The following IQSEC1 variants were observed in gnomAD, a reference collection of about 807,000 sequenced individuals.
The protein encoded by IQSEC1 is IQ motif and SEC7 domain-containing protein 1.
A neutral mutation model predicts 91.0 loss-of-function variants in IQSEC1; 31 were observed. The observed-to-expected ratio is 0.34, with a 90% CI of 0.26 to 0.46. The LOEUF is 0.46. Ranked by LOEUF, IQSEC1 falls within the 20% of genes least tolerant of loss-of-function variation. IQSEC1 has a pLI of 1.00. For missense variants in IQSEC1, 1,388 were observed against 1,575.6 expected, an observed-to-expected ratio of 0.88 and a Z score of 2.02; for synonymous variants, 699 against 662.6, an observed-to-expected ratio of 1.05 and a Z score of -0.84.
At chr3:13,229,205 C>T (rs557816879) in intron 1 of IQSEC1, among the ~76,000 whole-genome samples, 1 of 152,306 alleles carries the variant, frequency 6.6e-6, no homozygotes, top group African/African-American at 2.4e-5. Flanking sequence ...TGGTAAGTTA[C>T]CTGCAAATTT....
Position 13,253,004 on chromosome 3 carries a change from C to T in IQSEC1, c.272+29707G>A, listed in dbSNP as rs373952971. Among the ~76,000 whole-genome samples the T allele has an allele frequency of 3.3e-5, 5 of 152,250 alleles. No individual in the cohort carries two copies. The East Asian group carries it at 9.7e-4, about 29-fold the overall frequency. Reference sequence around the variant, plus strand: ...GCCTCGGCCTCCCAAAGTGCTGGGACTACAGGCGTAAGCCACCGCACCCGG... The same window carrying T: ...GCCTCGGCCTCCCAAAGTGCTGGGATTACAGGCGTAAGCCACCGCACCCGG... On this transcript the variant is annotated intron_variant, in intron 1 of 15. Coordinates refer to the IQSEC1 transcript ENST00000648114.
At chr3:13,076,285 C>T (rs538564350), upstream of IQSEC1, among the ~76,000 whole-genome samples, 3 of 152,254 alleles carry the variant, frequency 2.0e-5, no homozygotes, top group African/African-American at 7.2e-5. Context: ...CTGTAAGTGC[C>T]CAAGTTCACC....
intron 1 of IQSEC1, among the ~76,000 whole-genome samples, chr3:12,972,749 C>A (rs1700967696): frequency 6.6e-6 from 1 of 152,164 alleles, no homozygotes; most frequent in African/African-American, 2.4e-5. Context: ...AGGCTTCATG[C>A]CACACTGGCC....
At chr3:13,027,203 G>A (rs78009654) in intron 1 of IQSEC1, among the ~76,000 whole-genome samples, 3,136 of 152,306 alleles carry the variant, frequency 0.021, 37 homozygotes, top group Non-Finnish European at 0.027. Flanking sequence ...TGCTGAGAGC[G>A]TTGGGTCTTG....
At position 13,146,057 on chromosome 3, in the gene IQSEC1, C is replaced by T. The variant is rs1010641515; in HGVS notation, c.302+18047G>A. Among the ~76,000 whole-genome samples the T allele has an allele frequency of 8.6e-5, 13 of 152,042 alleles. 1 individual carries two copies. The highest frequency in any genetic ancestry group is 4.6e-4 in the Admixed American group (7 of 15,266). ...GGCTGGAGTGCAGTGGTGCAATCAT[C>T]GCTCACTGCAGCCTTGAACTCCTGG... On this transcript the variant is annotated intron_variant, in intron 2 of 15. Transcript: ENST00000648114.
intron 1 of IQSEC1, chr3:13,022,120 C>T (rs1703429439): frequency 3.2e-6 from 4 of 1,231,854 alleles, no homozygotes; most frequent in East Asian, 6.3e-5. Context: ...GGTGGAGGAG[C>T]GAGTGGCCAA....
intron 1 of IQSEC1, among the ~76,000 whole-genome samples, chr3:13,173,471 G>C (rs1450163092): frequency 6.6e-6 from 1 of 152,222 alleles, no homozygotes; most frequent in Non-Finnish European, 1.5e-5. Context: ...AGCAGACTTG[G>C]CTGGCCTCCC....
chr3:13,118,219 G>C lies in IQSEC1; in HGVS notation c.302+45885C>G, dbSNP rs561151211. Among the ~76,000 whole-genome samples, 14 of 152,250 alleles carry C rather than the reference G, an allele frequency of 9.2e-5. No homozygotes were observed. The South Asian group carries it at 2.9e-3, about 32-fold the overall frequency. Reference sequence around the variant, plus strand: ...ACATCATGATGTAATCCATGAATATGTACAGTTATTATGTGTCCATTTAAA... The same window carrying C: ...ACATCATGATGTAATCCATGAATATCTACAGTTATTATGTGTCCATTTAAA... On this transcript the variant is annotated intron_variant, in intron 2 of 15. Transcript: ENST00000648114.
chr3:13,228,013 T>C (rs1371004273), intron 1 of IQSEC1, among the ~76,000 whole-genome samples: 1 of 152,184 alleles, frequency 6.6e-6, no homozygotes, highest in Non-Finnish European at 1.5e-5. Flanking sequence ...CGATGGTTCC[T>C]CTGAGGCCCT....
rs1695343776 is a variant in IQSEC1, at chr3:13,259,388, C to A, written c.272+23323G>T. ...AAGCCTGTGAGCAGCGTCAGGGGAA[C>A]TGACTGCTGGCCTGCACTAAGCCCA... On this transcript the variant is annotated intron_variant, in intron 1 of 15. Transcript: ENST00000648114. This position sits in a 1 kb window ranked among gnomAD's most constrained non-coding sequence, Gnocchi z 4.6. 6.6e-6 allele frequency among the ~76,000 whole-genome samples: 1 copy of A among 152,242 alleles called. No homozygotes were observed. The highest frequency in any genetic ancestry group is 2.1e-4 in the South Asian group (1 of 4,834).
rs1694481032 is a variant in IQSEC1 at position 12,902,670 on chromosome 3, C to CAAAAAAAAAAAAAAAAAAAAAAAACA, written c.2805+102_2805+103insTGTTTTTTTTTTTTTTTTTTTTTTTT. ...AAAAAAAAAACAACAAAAAAAAAACCAAAAAAAAAAAAAAAAAAAAAAAAC... is the reference window on the plus strand; with the variant it reads ...AAAAAAAAAACAACAAAAAAAAAACCAAAAAAAAAAAAAAAAAAAAAAAACAAAAAAAAAAAAAAAAAAAAAAAAAC... On this transcript the variant is annotated intron_variant, in intron 13 of 13. Coordinates refer to ENST00000613206, the MANE Select transcript of IQSEC1 (RefSeq NM_001134382.3). The CAAAAAAAAAAAAAAAAAAAAAAAACA allele has an allele frequency of 6.7e-5, 13 of 192,634 alleles. No homozygotes were observed. In the East Asian group the frequency reaches 7.5e-4, roughly 11 times the overall value. 11.9% of individuals were successfully genotyped at this position (192,634 alleles called of 1,614,324 possible). A position where few individuals can be genotyped will look rare whatever the true frequency, so the allele number is the denominator to read the frequency against.
intron 8 of IQSEC1, 138 bp downstream of exon 8, chr3:12,914,966 G>T: frequency 1.2e-6 from 1 of 823,412 alleles, no homozygotes; most frequent in Non-Finnish European, 2.0e-6. Flanking sequence ...ACGAACATCT[G>T]ATTCTCAGCA....
chr3:13,013,994 C>T (rs774326493), intron 1 of IQSEC1, among the ~76,000 whole-genome samples: 10 of 152,270 alleles, frequency 6.6e-5, no homozygotes, highest in Middle Eastern at 6.8e-3. Context: ...TGGGCTGGAC[C>T]GAAATGGGCC....
At chr3:13,116,576 A>G (rs1000413785) in intron 2 of IQSEC1, among the ~76,000 whole-genome samples, 1 of 152,132 alleles carries the variant, frequency 6.6e-6, no homozygotes, top group African/African-American at 2.4e-5. Context: ...CAAAAGAATG[A>G]AGCTGGACCC....
rs547317163 is a variant in IQSEC1, at chr3:13,242,248, C to T, written c.272+40463G>A. 2.0e-5 allele frequency among the ~76,000 whole-genome samples: 3 copies of T among 152,256 alleles called. No individual in the cohort carries two copies. In the South Asian group the frequency reaches 6.2e-4, roughly 32 times the overall value. On this transcript the variant is annotated intron_variant, in intron 1 of 15. Transcript: ENST00000648114. The stretch of plus-strand genomic sequence containing the variant: ...TCTCCAGGTCTCCGCGGCTGTGATG[C>T]GGGTGAGCTGCTCAGACTTTCTGAA...
At chr3:13,276,080 CTTTTT>C (rs796663192) in intron 1 of IQSEC1, among the ~76,000 whole-genome samples, 302 of 79,502 alleles carry the variant, frequency 3.8e-3, no homozygotes, top group Non-Finnish European at 6.4e-3. Context: ...CAAAAGCATT[CTTTTT>C]TTTTTTTTTT....
chr3:13,023,128 C>T (rs908528033), intron 1 of IQSEC1, among the ~76,000 whole-genome samples: 4 of 152,224 alleles, frequency 2.6e-5, no homozygotes, highest in African/African-American at 7.2e-5. Context: ...GGATTTGAAC[C>T]TTGGCAGTCT....
intron 8 of IQSEC1, among the ~76,000 whole-genome samples, chr3:12,914,719 G>T (rs1575884550): frequency 6.6e-6 from 1 of 152,152 alleles, no homozygotes; most frequent in Admixed American, 6.5e-5. Context: ...TATGGCAGAG[G>T]ACGGGTCCTG....
intron 2 of IQSEC1, among the ~76,000 whole-genome samples, chr3:13,152,681 G>A (rs1468868698): frequency 6.6e-6 from 1 of 152,168 alleles, no homozygotes; most frequent in Non-Finnish European, 1.5e-5. Flanking sequence ...GACCAGCCTG[G>A]CCAACATCGT....
Sources: gnomAD v4.1 joint callset for allele counts (sites outside exome capture counted in the v4.1 genomes callset) on GRCh38, gnomAD v4.1.1 for gene constraint, Gnocchi (gnomAD v3.1) non-coding constraint, MANE v1.5 for transcripts, NCBI Gene and HGNC (gene_info 2026-07-23, HGNC 2026-07-21) for gene names.